VARS2: variants seen among roughly 807,000 people sequenced by gnomAD.
VARS2 encodes the protein valyl-tRNA synthetase 2, mitochondrial.
VARS2 carries 105 observed loss-of-function variants against 154.1 expected under a neutral mutation model. The ratio of observed to expected loss-of-function variants is 0.68; its 90% confidence interval spans 0.58 to 0.80. The LOEUF (loss-of-function observed/expected upper bound fraction) is 0.80. Ranked by LOEUF, VARS2 falls within the 30% of genes least tolerant of loss-of-function variation. VARS2 has a pLI of 0.00. For synonymous variants in VARS2, 483 were observed against 539.5 expected (o/e 0.90, Z 1.45); for missense variants, 1,157 against 1,361.4 (o/e 0.85, Z 2.36).
rs746563394 is a variant in VARS2, at chr6:30,915,013, G to A, written c.177G>A (p.Glu59=). 16 of 1,613,524 alleles carry A rather than the reference G, an allele frequency of 9.9e-6. No homozygotes were observed. The highest frequency in any genetic ancestry group is 1.4e-5 in the Non-Finnish European group (16 of 1,180,020). Residue 59 remains glutamate, a synonymous_variant, in exon 2 of 30, where the codon GAG becomes GAA. Coordinates refer to ENST00000676266, the MANE Select transcript of VARS2 (RefSeq NM_020442.6). ...KRLREKQATL[E]AEIAGESKSP... is the part of the protein sequence containing the mutation. ...TGCGAGAGAAGCAGGCGACTCTGGAGGCTGAGATAGCAGGGGAGAGCAAGG... is the reference window on the plus strand; with the variant it reads ...TGCGAGAGAAGCAGGCGACTCTGGAAGCTGAGATAGCAGGGGAGAGCAAGG...
chr6:30,923,707 C>T (rs1385459411), intron 25 of VARS2: 2 of 681,026 alleles, frequency 2.9e-6, no homozygotes, highest in Non-Finnish European at 4.7e-6. Context: ...CTGCCTGTCA[C>T]CTGGGGAGAG....
Position 30,920,173 on chromosome 6 carries a change from C to T in VARS2, c.1250C>T (p.Ala417Val), listed in dbSNP as rs1193319785. Residue 417 changes from alanine to valine, a missense_variant, in exon 13 of 30, where the codon GCG becomes GTG. Ala to Val is a moderately conservative substitution (Grantham distance 64). Coordinates refer to ENST00000676266, the MANE Select transcript of VARS2 (RefSeq NM_020442.6). This position sits in a 1 kb window ranked among gnomAD's most constrained non-coding sequence, Gnocchi z 4.6. ...RHGLSPLNVI[A>V]EDGTMTSLCG... ...GGCTTGAGCCCCTTGAATGTCATTG[C>T]GGAGGATGGGACCATGACCTCCCTC... The T allele has an allele frequency of 5.0e-6, 8 of 1,593,338 alleles. No individual in the cohort carries two copies. Among genetic ancestry groups the T allele is most frequent in the South Asian group, 2.3e-5 (2 of 88,140 alleles).
At chr6:30,915,611 A>G (rs1794103817) in intron 4 of VARS2, 135 bp from the exon 5 acceptor site, 5 of 1,499,790 alleles carry the variant, frequency 3.3e-6, no homozygotes, top group Non-Finnish European at 3.6e-6. Flanking sequence ...CCCCTGGCCA[A>G]TTCCCTCCTC....
Position 30,921,025 on chromosome 6 carries a change from C to T in VARS2, c.1480-40C>T. ...TCCTATCTGTGGAGGTGCGGCCGTGCAGGAAGGGCAACATTGTCTAAAGTC... is the reference window on the plus strand; with the variant it reads ...TCCTATCTGTGGAGGTGCGGCCGTGTAGGAAGGGCAACATTGTCTAAAGTC... On this transcript the variant is annotated intron_variant, in intron 15 of 29. Coordinates refer to ENST00000676266, the MANE Select transcript of VARS2 (RefSeq NM_020442.6). This position sits in a 1 kb window ranked among gnomAD's most constrained non-coding sequence, Gnocchi z 4.6. 6.3e-7 allele frequency: 1 copy of T among 1,576,038 alleles called. No homozygotes were observed.
chr6:30,919,963 G>C lies in VARS2; in HGVS notation c.1165+115G>C. 6.8e-7 allele frequency: 1 copy of C among 1,467,882 alleles called. No homozygotes were observed. The highest frequency in any genetic ancestry group is 9.1e-7 in the Non-Finnish European group (1 of 1,099,320). 90.9% of individuals were successfully genotyped at this position (1,467,882 alleles called of 1,614,324 possible). A position where few individuals can be genotyped will look rare whatever the true frequency, so the allele number is the denominator to read the frequency against. On this transcript the variant is annotated intron_variant, in intron 12 of 29. Coordinates refer to ENST00000676266, the MANE Select transcript of VARS2 (RefSeq NM_020442.6). This position sits in a 1 kb window ranked among gnomAD's most constrained non-coding sequence, Gnocchi z 4.5. ...ATCCTCATATAGGGTGGTCTGAGTGGGGAATGGGAGGGAGGCACAGACAGA... is the reference window on the plus strand; with the variant it reads ...ATCCTCATATAGGGTGGTCTGAGTGCGGAATGGGAGGGAGGCACAGACAGA...
At position 30,914,998 on chromosome 6, in the gene VARS2, G is replaced by A. The variant is rs1562445704; in HGVS notation, c.162G>A (p.Lys54=). The change falls in exon 2 of 30, where the codon AAG becomes AAA. Residue 54 remains lysine, a synonymous_variant. Transcript: ENST00000676266. The part of the protein sequence containing the change: ...REAKQKRLRE[K]QATLEAEIAG... ...CCAAACAGAAGCGCCTGCGAGAGAAGCAGGCGACTCTGGAGGCTGAGATAG... is the reference window on the plus strand; with the variant it reads ...CCAAACAGAAGCGCCTGCGAGAGAAACAGGCGACTCTGGAGGCTGAGATAG... The A allele has an allele frequency of 1.2e-6, 2 of 1,613,482 alleles. No individual in the cohort carries two copies. The highest frequency in any genetic ancestry group is 8.5e-7 in the Non-Finnish European group (1 of 1,180,036).
Position 30,920,275 on chromosome 6 carries a change from C to T in VARS2, c.1294-58C>T, listed in dbSNP as rs952991465. 51 of 1,570,240 alleles carry T rather than the reference C, an allele frequency of 3.2e-5. No homozygotes were observed. Among genetic ancestry groups the T allele is most frequent in the Non-Finnish European group, 4.4e-5 (51 of 1,159,682 alleles). On this transcript the variant is annotated intron_variant, in intron 13 of 29. Transcript: ENST00000676266. The surrounding 1 kb of genome is among the most constrained non-coding windows in gnomAD (Gnocchi z 4.6). ...GGCTCTCTGTCCCCCTAATCCTCCT[C>T]CTAGTTTCTTATTTCTCTAGAGGCC...
At chr6:30,925,250 A>G (rs762346968) in intron 26 of VARS2, 24 bp from the exon 27 acceptor site, 4 of 1,596,564 alleles carry the variant, frequency 2.5e-6, no homozygotes, top group Admixed American at 3.5e-5. Context: ...CCCTTTGCCA[A>G]TTCTGGGTCC....
At chr6:30,918,472 C>T (rs1345726838) in intron 10 of VARS2, among the ~76,000 whole-genome samples, 1 of 152,200 alleles carries the variant, frequency 6.6e-6, no homozygotes, top group African/African-American at 2.4e-5. Flanking sequence ...GGTGCTCCCC[C>T]TGAGGAATGT....
intron 26 of VARS2, 34 bp from the exon 27 acceptor site, chr6:30,925,240 C>A: frequency 6.4e-7 from 1 of 1,560,242 alleles, no homozygotes; most frequent in Non-Finnish European, 8.8e-7. Flanking sequence ...TCCCAGGAGC[C>A]CCTTTGCCAA....
At position 30,922,455 on chromosome 6, in the gene VARS2, T is replaced by C; in HGVS notation, c.1938T>C (p.Leu646=). 1.2e-6 allele frequency: 2 copies of C among 1,605,906 alleles called. No individual in the cohort carries two copies. Among genetic ancestry groups the C allele is most frequent in the Non-Finnish European group, 8.5e-7 (1 of 1,176,880 alleles). Residue 646 remains leucine, a synonymous_variant, in exon 21 of 30, where the codon CTT becomes CTC. Transcript: ENST00000676266. ...TGACCCCTCCCTGCCCCCAGGTGCTTCTTCATCCCATGGTTCGGGACAGGC... is the reference window on the plus strand; with the variant it reads ...TGACCCCTCCCTGCCCCCAGGTGCTCCTTCATCCCATGGTTCGGGACAGGC... ...LTGQLPFSKV[L]LHPMVRDRQG...
chr6:30,914,587 C>G (rs1794024376), intron 1 of VARS2: 5 of 1,272,142 alleles, frequency 3.9e-6, no homozygotes, highest in African/African-American at 1.5e-5. Flanking sequence ...CCGCCGAATC[C>G]AGACACTCCG....
At chr6:30,924,175 A>G (rs1794701583) in intron 25 of VARS2, 179 bp from the exon 26 acceptor site, 1 of 624,146 alleles carries the variant, frequency 1.6e-6, no homozygotes, top group Non-Finnish European at 2.9e-6. Context: ...GCTGTCCTGG[A>G]GTCCCCTTCT....
chr6:30,920,478 G>C lies in VARS2; in HGVS notation c.1397+42G>C. ...TCCTTTACTAAGGGCTACCCCAAAAGGGAATGTATGGAGCTTAAGGGTGAC... is the reference window on the plus strand; with the variant it reads ...TCCTTTACTAAGGGCTACCCCAAAACGGAATGTATGGAGCTTAAGGGTGAC... On this transcript the variant is annotated intron_variant, in intron 14 of 29. Coordinates refer to ENST00000676266, the MANE Select transcript of VARS2 (RefSeq NM_020442.6). This position sits in a 1 kb window ranked among gnomAD's most constrained non-coding sequence, Gnocchi z 4.6. 1 of 1,553,564 alleles carries C rather than the reference G, an allele frequency of 6.4e-7. No homozygotes were observed. The highest frequency in any genetic ancestry group is 1.2e-5 in the South Asian group (1 of 81,950).
chr6:30,924,027 C>A, intron 25 of VARS2: 1 of 471,676 alleles, frequency 2.1e-6, no homozygotes, highest in Non-Finnish European at 3.8e-6. Flanking sequence ...GGTGCTGCTG[C>A]TGCTGGCTGT....
Position 30,919,508 on chromosome 6 carries a change from T to C in VARS2, c.1075-250T>C, listed in dbSNP as rs1794374031. On this transcript the variant is annotated intron_variant, in intron 11 of 29. Transcript: ENST00000676266. The surrounding 1 kb of genome is among the most constrained non-coding windows in gnomAD (Gnocchi z 4.5). ...CTGCTTGCAGCCTTTATATTATCTATGGCTGCTATTATATACCCTCTCCAG... is the reference window on the plus strand; with the variant it reads ...CTGCTTGCAGCCTTTATATTATCTACGGCTGCTATTATATACCCTCTCCAG... 2.7e-6 allele frequency: 1 copy of C among 373,438 alleles called. No individual in the cohort carries two copies. Among genetic ancestry groups the C allele is most frequent in the African/African-American group, 2.1e-5 (1 of 48,054 alleles). The allele number at this position is 373,438 out of a possible 1,614,324, so 23.1% of individuals were successfully genotyped here.
At position 30,921,753 on chromosome 6, in the gene VARS2, G is replaced by T; in HGVS notation, c.1735+62G>T. The T allele has an allele frequency of 6.5e-7, 1 of 1,532,830 alleles. No homozygotes were observed. Among genetic ancestry groups the T allele is most frequent in the South Asian group, 1.2e-5 (1 of 81,872 alleles). 95.0% of individuals were successfully genotyped at this position (1,532,830 alleles called of 1,614,324 possible). ...CGGGGGCCTGGGCATCTGGGCCTTT[G>T]AGGGGAACAGATCCCAAGATACAGA... On this transcript the variant is annotated intron_variant, in intron 18 of 29. Transcript: ENST00000676266. The surrounding 1 kb of genome is among the most constrained non-coding windows in gnomAD (Gnocchi z 4.6).
Position 30,922,726 on chromosome 6 carries a change from A to C in VARS2, c.2058A>C (p.Arg686Ser), listed in dbSNP as rs1794603088. The change falls in exon 22 of 30, where the codon AGA becomes AGC. Residue 686 changes from arginine (R) to serine (S), a missense_variant. By Grantham distance (110) the Arg-to-Ser change is moderately radical. Transcript: ENST00000676266. ...VEMQVLQEKL[R>S]SGNLDPAELA... ...CCCAGGTGCTGCAGGAAAAGCTGAG[A>C]AGCGGAAATTTGGACCCTGCAGAGC... 3.1e-6 allele frequency: 5 copies of C among 1,612,718 alleles called. No individual in the cohort carries two copies. Among genetic ancestry groups the C allele is most frequent in the Non-Finnish European group, 4.2e-6 (5 of 1,179,888 alleles).
chr6:30,926,345 C>A lies in VARS2; in HGVS notation c.*135C>A. 3 of 910,236 alleles carry A rather than the reference C, an allele frequency of 3.3e-6. No homozygotes were observed. The highest frequency in any genetic ancestry group is 5.1e-6 in the Non-Finnish European group (3 of 591,962). 56.4% of individuals were successfully genotyped at this position (910,236 alleles called of 1,614,324 possible). A position where few individuals can be genotyped will look rare whatever the true frequency, so the allele number is the denominator to read the frequency against. On this transcript the variant is annotated 3_prime_UTR_variant, in exon 30 of 30. Transcript: ENST00000676266. The stretch of plus-strand genomic sequence containing the variant: ...TTCATTGTGTAAATGAGGACACAGA[C>A]TGGCTTGGTCGCAGTGACTGTGGTG...
Sources: allele counts gnomAD v4.1 joint callset (sites outside exome capture counted in the v4.1 genomes callset), GRCh38; gene constraint gnomAD v4.1.1; non-coding constraint Gnocchi (gnomAD v3.1); transcripts MANE v1.5; gene names NCBI Gene and HGNC (gene_info 2026-07-23, HGNC 2026-07-21).